The following CPXM2 variants were observed in gnomAD, a reference collection of about 807,000 sequenced individuals.
CPXM2 encodes inactive carboxypeptidase-like protein X2.
In CPXM2, 66 loss-of-function variants were observed where a neutral mutation model predicts 86.1. The ratio of observed to expected loss-of-function variants is 0.77; its 90% CI spans 0.63 to 0.94. The LOEUF (loss-of-function observed/expected upper bound fraction) is 0.94, where lower values mean the gene tolerates loss of function less well. Ranked by LOEUF, CPXM2 falls within the 40% of genes least tolerant of loss-of-function variation. The pLI is 0.00. For synonymous variants in CPXM2, 388 were observed against 400.2 expected (o/e 0.97, Z 0.36); for missense variants, 948 against 1,026.3 (o/e 0.92, Z 1.04).
At chr10:123,877,341 T>C (rs1164940174) in intron 2 of CPXM2, among the ~76,000 whole-genome samples, 1 of 152,244 alleles carries the variant, frequency 6.6e-6, no homozygotes, top group Non-Finnish European at 1.5e-5. Context: ...CTTCATTGTA[T>C]TGGTCAGCTA....
At chr10:123,901,845 GTATTGACCAATCAGGGCTCAGTTA>G (rs1945384795) in intron 2 of CPXM2, among the ~76,000 whole-genome samples, 1 of 152,158 alleles carries the variant, frequency 6.6e-6, no homozygotes, top group Non-Finnish European at 1.5e-5. Flanking sequence ...AGGCTCAGCT[GTATTGACCAATCAGGGCTCAGTTA>G]TATTGACCAA....
intron 2 of CPXM2, among the ~76,000 whole-genome samples, chr10:123,876,836 T>A (rs976006667): frequency 2.6e-5 from 4 of 152,246 alleles, no homozygotes; most frequent in African/African-American, 9.6e-5. Context: ...TGTGCAGACA[T>A]TATTTAATCT....
chr10:123,926,874 AC>A (rs1945625924), intron 2 of CPXM2, among the ~76,000 whole-genome samples: 1 of 152,118 alleles, frequency 6.6e-6, no homozygotes. Context: ...TGTGAAGAAA[AC>A]CCTTTCACTT....
intron 7 of CPXM2, 122 bp downstream of exon 7, chr10:123,780,045 A>G (rs1564765324): frequency 7.3e-6 from 5 of 689,302 alleles, no homozygotes; most frequent in Non-Finnish European, 1.3e-5. Context: ...TCAGCAAACC[A>G]AATGATCATT....
intron 2 of CPXM2, among the ~76,000 whole-genome samples, chr10:123,863,778 T>C (rs1848913012): frequency 6.6e-6 from 1 of 152,194 alleles, no homozygotes. Flanking sequence ...GCTTGGCCCC[T>C]GAGCCCAGGT....
intron 3 of CPXM2, among the ~76,000 whole-genome samples, chr10:123,846,040 T>C (rs1214376005): frequency 6.6e-6 from 1 of 152,204 alleles, no homozygotes; most frequent in African/African-American, 2.4e-5. Flanking sequence ...TCAAAAAATC[T>C]ATTTTTCATA....
chr10:123,810,384 T>C (rs1313062959), intron 4 of CPXM2, among the ~76,000 whole-genome samples: 1 of 151,906 alleles, frequency 6.6e-6, no homozygotes, highest in Admixed American at 6.6e-5. Flanking sequence ...TTTAATAAAA[T>C]AAAAACCTTT....
intron 9 of CPXM2, among the ~76,000 whole-genome samples, chr10:123,767,605 T>C (rs928850804): frequency 6.6e-6 from 1 of 152,236 alleles, no homozygotes; most frequent in African/African-American, 2.4e-5. Context: ...CACATTTCTA[T>C]ACTGTAAAGC....
chr10:123,934,706 T>G (rs997212241), intron 2 of CPXM2, among the ~76,000 whole-genome samples: 4 of 152,092 alleles, frequency 2.6e-5, no homozygotes, highest in African/African-American at 9.7e-5. Context: ...AAGCTCTGTG[T>G]TCACCCATGG....
At chr10:123,882,940 C>A (rs1380202827) in intron 1 of CPXM2, among the ~76,000 whole-genome samples, 1 of 148,772 alleles carries the variant, frequency 6.7e-6, no homozygotes, top group Non-Finnish European at 1.5e-5. Flanking sequence ...GGTTTAGGCA[C>A]CCCCCACCAA....
chr10:123,752,306 T>C (rs1846096605), intron 13 of CPXM2: 2 of 984,688 alleles, frequency 2.0e-6, no homozygotes, highest in South Asian at 9.4e-5. Context: ...AATTCCATGG[T>C]ATTCAGTGTG....
At chr10:123,880,645 C>T (rs140185244) in intron 1 of CPXM2, among the ~76,000 whole-genome samples, 1,578 of 151,828 alleles carry the variant, frequency 0.01, 24 homozygotes, top group African/African-American at 0.025. Flanking sequence ...CTGGCTAACA[C>T]GGTGAAACCC....
chr10:123,888,872 T>C (rs1945220740), intron 1 of CPXM2, among the ~76,000 whole-genome samples: 1 of 152,152 alleles, frequency 6.6e-6, no homozygotes, highest in Admixed American at 6.5e-5. Context: ...TGTGAGTCTC[T>C]AGATCTTCCG....
intron 2 of CPXM2, among the ~76,000 whole-genome samples, chr10:123,911,485 T>G (rs1428459259): frequency 6.6e-6 from 1 of 151,162 alleles, no homozygotes; most frequent in Non-Finnish European, 1.5e-5. Context: ...TACGATTAGG[T>G]TGGTGCAAAA....
At chr10:123,855,327 T>C (rs1848696874) in intron 3 of CPXM2, among the ~76,000 whole-genome samples, 1 of 152,156 alleles carries the variant, frequency 6.6e-6, no homozygotes, top group Non-Finnish European at 1.5e-5. Context: ...AAGAAGAACT[T>C]GTGAGACACA....
chr10:123,765,793 C>A (rs1301135043), intron 10 of CPXM2, among the ~76,000 whole-genome samples: 2 of 152,192 alleles, frequency 1.3e-5, no homozygotes, highest in Non-Finnish European at 2.9e-5. Context: ...CTAAAGGAGC[C>A]CACCCTGCTG....
intron 5 of CPXM2, 85 bp from the exon 6 acceptor site, chr10:123,798,211 G>C: frequency 1.9e-6 from 2 of 1,072,230 alleles, no homozygotes; most frequent in Non-Finnish European, 2.5e-6. Context: ...CATTCAACAA[G>C]ACTTTATTGA....
rs143029086 is a variant in CPXM2, at chr10:123,860,005, C to T, written c.513+2609G>A. On this transcript the variant is annotated intron_variant, in intron 3 of 13. Transcript: ENST00000241305. ...GGTCTCCGTCCATATCCTCAGTGCA[C>T]CTCCCATGTTGCAGGTGCTATTCTG... Among the ~76,000 whole-genome samples the T allele has an allele frequency of 4.4e-3, 664 of 152,276 alleles. 11 individuals carry two copies. The highest frequency in any genetic ancestry group is 0.016 in the East Asian group (83 of 5,176).
intron 2 of CPXM2, among the ~76,000 whole-genome samples, chr10:123,874,017 G>A (rs552278553): frequency 2.6e-5 from 4 of 151,864 alleles, no homozygotes; most frequent in Non-Finnish European, 4.4e-5. Context: ...GCATCACCAC[G>A]CCAGGGTAAT....
Sources: allele counts gnomAD v4.1 joint callset (sites outside exome capture counted in the v4.1 genomes callset), GRCh38; gene constraint gnomAD v4.1.1; transcripts MANE v1.5; gene names NCBI Gene and HGNC (gene_info 2026-07-23, HGNC 2026-07-21).